Variants in ADGRB3 observed in about 807,000 individuals in gnomAD.
The protein encoded by ADGRB3 is adhesion G protein-coupled receptor B3, also known as brain-specific angiogenesis inhibitor 3.
Under a neutral mutation model 193.4 loss-of-function variants are expected in ADGRB3, and 37 were observed. That is an observed-to-expected ratio of 0.19 (90% confidence interval 0.15 to 0.25). The LOEUF (loss-of-function observed/expected upper bound fraction) is 0.25. ADGRB3 is among the 10% of genes least tolerant of loss of function. The pLI is 1.00. For missense variants in ADGRB3, 1,637 were observed against 1,852.9 expected, an observed-to-expected ratio of 0.88 and a Z score of 2.14; for synonymous variants, 690 against 644.2, an observed-to-expected ratio of 1.07 and a Z score of -1.08.
intron 13 of ADGRB3, among the ~76,000 whole-genome samples, chr6:69,045,561 T>C (rs188980024): frequency 1.3e-3 from 204 of 152,246 alleles, no homozygotes; most frequent in Admixed American, 3.4e-3. Context: ...GCTTATGCTA[T>C]TAGCTCAAAT....
intron 3 of ADGRB3, among the ~76,000 whole-genome samples, chr6:68,753,263 T>C (rs919593201): frequency 6.6e-6 from 1 of 152,106 alleles, no homozygotes; most frequent in African/African-American, 2.4e-5. Flanking sequence ...CCATAGGAGA[T>C]TGATTAGAAA....
At chr6:69,078,908 A>C (rs1028365523) in intron 17 of ADGRB3, among the ~76,000 whole-genome samples, 2 of 152,014 alleles carry the variant, frequency 1.3e-5, no homozygotes, top group Non-Finnish European at 2.9e-5. Flanking sequence ...ACATTCGATA[A>C]ATATTTATTG....
intron 20 of ADGRB3, among the ~76,000 whole-genome samples, chr6:69,242,438 C>T (rs563256669): frequency 8.0e-4 from 121 of 151,872 alleles, no homozygotes; most frequent in Non-Finnish European, 1.4e-3. Flanking sequence ...TTATTTGATA[C>T]TGCTTCAGTG....
intron 3 of ADGRB3, among the ~76,000 whole-genome samples, chr6:68,663,401 A>T (rs1265607352): frequency 6.6e-6 from 1 of 151,624 alleles, no homozygotes; most frequent in Non-Finnish European, 1.5e-5. Flanking sequence ...TAGTACTTGA[A>T]AAATATTTAT....
In ADGRB3 at chr6:69,136,593, C is replaced by T. The variant is rs559878929; in HGVS notation, c.2480+60555C>T. Among the ~76,000 whole-genome samples, 26 of 151,594 alleles carry T rather than the reference C, an allele frequency of 1.7e-4. 1 individual carries two copies. The South Asian group carries it at 5.2e-3, about 31-fold the overall frequency. On this transcript the variant is annotated intron_variant, in intron 17 of 31. Coordinates refer to ENST00000370598, the MANE Select transcript of ADGRB3 (RefSeq NM_001704.3). ...AAACAATCGATTTTCTTCTAAAAATCGCCTTCATGGTTGTTTTTCTTTGGT... is the reference window on the plus strand; with the variant it reads ...AAACAATCGATTTTCTTCTAAAAATTGCCTTCATGGTTGTTTTTCTTTGGT...
chr6:69,204,415 T>C (rs946214776), intron 17 of ADGRB3, among the ~76,000 whole-genome samples: 3 of 152,014 alleles, frequency 2.0e-5, no homozygotes, highest in African/African-American at 7.2e-5. Flanking sequence ...GGCAATTGAG[T>C]GTCTTCAGTT....
chr6:68,868,901 C>T (rs984326105), intron 3 of ADGRB3, among the ~76,000 whole-genome samples: 5 of 94,988 alleles, frequency 5.3e-5, no homozygotes, highest in Non-Finnish European at 1.2e-4. Flanking sequence ...AATAGGACTT[C>T]CAGATAATGA....
At chr6:69,318,713 C>A (rs1561986087) in intron 20 of ADGRB3, among the ~76,000 whole-genome samples, 1 of 151,112 alleles carries the variant, frequency 6.6e-6, no homozygotes, top group African/African-American at 2.4e-5. Context: ...TACTGAATTT[C>A]TACTTTTTTT....
At chr6:68,792,832 G>C (rs1397175363) in intron 3 of ADGRB3, among the ~76,000 whole-genome samples, 1 of 152,080 alleles carries the variant, frequency 6.6e-6, no homozygotes, top group Non-Finnish European at 1.5e-5. Flanking sequence ...TCAGATACTG[G>C]AGCAAATGTC....
chr6:69,218,511 A>T (rs757147110), intron 17 of ADGRB3, among the ~76,000 whole-genome samples: 2 of 152,194 alleles, frequency 1.3e-5, no homozygotes, highest in African/African-American at 4.8e-5. Flanking sequence ...CCTAATTATT[A>T]GGGATACTAA....
At chr6:69,234,753 G>T (rs1054608213) in intron 18 of ADGRB3, among the ~76,000 whole-genome samples, 2 of 152,054 alleles carry the variant, frequency 1.3e-5, no homozygotes, top group East Asian at 1.9e-4. Context: ...TAGTTTTAAG[G>T]TCTTGATTTT....
intron 17 of ADGRB3, among the ~76,000 whole-genome samples, chr6:69,185,406 T>C (rs1765046532): frequency 6.6e-6 from 1 of 152,098 alleles, no homozygotes; most frequent in Admixed American, 6.6e-5. Flanking sequence ...CCCACATCTT[T>C]CATGAAAGAA....
chr6:69,346,262 A>T (rs1769085956), intron 26 of ADGRB3, among the ~76,000 whole-genome samples: 1 of 152,232 alleles, frequency 6.6e-6, no homozygotes, highest in East Asian at 1.9e-4. Context: ...GGAACCAAAA[A>T]AGAGCCTGTA....
intron 14 of ADGRB3, among the ~76,000 whole-genome samples, chr6:69,048,770 A>G (rs979301870): frequency 7.9e-5 from 12 of 152,184 alleles, no homozygotes; most frequent in African/African-American, 2.9e-4. Flanking sequence ...TGATAAAATA[A>G]TCAGTACAAC....
At chr6:69,180,333 C>T (rs1248359948) in intron 17 of ADGRB3, among the ~76,000 whole-genome samples, 1 of 152,196 alleles carries the variant, frequency 6.6e-6, no homozygotes, top group African/African-American at 2.4e-5. Context: ...GCAGAAAGGG[C>T]CTTCTTGCAC....
At chr6:68,901,671 G>T (rs1766397089) in intron 3 of ADGRB3, among the ~76,000 whole-genome samples, 1 of 152,038 alleles carries the variant, frequency 6.6e-6, no homozygotes, top group Non-Finnish European at 1.5e-5. Context: ...AAGGAAAAAA[G>T]TCATACATTA....
chr6:68,905,667 C>CT (rs2150234939), intron 3 of ADGRB3, among the ~76,000 whole-genome samples: 1 of 152,250 alleles, frequency 6.6e-6, no homozygotes, highest in Admixed American at 6.5e-5. Context: ...TTCTACAGCT[C>CT]TAAGTAGAAA....
intron 3 of ADGRB3, among the ~76,000 whole-genome samples, chr6:68,703,639 T>C (rs1045547495): frequency 6.6e-6 from 1 of 152,218 alleles, no homozygotes; most frequent in Non-Finnish European, 1.5e-5. Flanking sequence ...TTGTTTGTTT[T>C]TGAGACAGAG....
intron 13 of ADGRB3, among the ~76,000 whole-genome samples, chr6:69,043,233 A>G (rs1281611016): frequency 6.6e-6 from 1 of 151,224 alleles, no homozygotes; most frequent in Non-Finnish European, 1.5e-5. Flanking sequence ...AAAAGAAGGA[A>G]GGAGAAAGAA....
Sources: allele counts gnomAD v4.1 joint callset (sites outside exome capture counted in the v4.1 genomes callset), GRCh38; gene constraint gnomAD v4.1.1; transcripts MANE v1.5; gene names NCBI Gene and HGNC (gene_info 2026-07-23, HGNC 2026-07-21).